PEF1: variants seen among roughly 807,000 people sequenced by gnomAD.
The protein encoded by PEF1 is peflin.
Under a neutral mutation model 32.0 loss-of-function variants are expected in PEF1, and 17 were observed. The observed-to-expected ratio is 0.53, with a 90% confidence interval of 0.36 to 0.80. The LOEUF is 0.80. Among genes scored for constraint, PEF1 ranks in the 30% least tolerant of loss-of-function variants. The probability of loss-of-function intolerance (pLI) is 0.00; values close to 1 mark genes in which losing one functional copy is unlikely to be tolerated. For synonymous variants in PEF1, 130 were observed against 139.8 expected, an observed-to-expected ratio of 0.93 and a Z score of 0.50; for missense variants, 362 against 369.1, an observed-to-expected ratio of 0.98 and a Z score of 0.16.
intron 2 of PEF1, 47 bp from the exon 3 acceptor site, chr1:31,633,361 C>T: frequency 1.3e-6 from 2 of 1,555,556 alleles, no homozygotes; most frequent in Non-Finnish European, 1.7e-6. Flanking sequence ...CCAGGAAGGG[C>T]CAGCCTCAGT....
intron 3 of PEF1, among the ~76,000 whole-genome samples, chr1:31,632,859 T>C (rs535982663): frequency 1.8e-3 from 277 of 152,286 alleles, no homozygotes; most frequent in Non-Finnish European, 2.8e-3. Context: ...CAGAACTGCA[T>C]TTTCTCTGCA....
intron 2 of PEF1, 51 bp from the exon 3 acceptor site, chr1:31,633,365 C>G: frequency 6.5e-7 from 1 of 1,543,850 alleles, no homozygotes; most frequent in South Asian, 1.2e-5. Flanking sequence ...GAAGGGCCAG[C>G]CTCAGTAACT....
Position 31,635,457 on chromosome 1 carries a change from G to A in PEF1, c.90C>T (p.Pro30=). ...CACTACCATACTGCCCTCCACTATT[G>A]GGGGGTCCAGGGTAGTAGCTACCCG... ...APPGSYYPGP[P]NSGGQYGSGL... is the part of the protein sequence containing the mutation. The change falls in exon 2 of 5, where the codon CCC becomes CCT. Residue 30 remains proline, a synonymous_variant. Transcript: ENST00000373703. 1.3e-6 allele frequency: 2 copies of A among 1,592,480 alleles called. No homozygotes were observed. Among genetic ancestry groups the A allele is most frequent in the African/African-American group, 1.3e-5 (1 of 74,450 alleles).
Position 31,641,989 on chromosome 1 carries a change from T to A in PEF1, c.24+2852A>T, listed in dbSNP as rs150320755. Among the ~76,000 whole-genome samples, 230 of 152,316 alleles carry A rather than the reference T, an allele frequency of 1.5e-3. 2 individuals are homozygous for A. The highest frequency in any genetic ancestry group is 4.6e-3 in the African/African-American group (190 of 41,578). On this transcript the variant is annotated intron_variant, in intron 1 of 4. Coordinates refer to ENST00000373703, the MANE Select transcript of PEF1 (RefSeq NM_012392.4). ...GCTCACGCCTGTAATCCCAACACTGTGGGAGGCTGAGGCAGGTGGATCACC... is the reference window on the plus strand; with the variant it reads ...GCTCACGCCTGTAATCCCAACACTGAGGGAGGCTGAGGCAGGTGGATCACC...
chr1:31,637,778 T>TCC (rs1399851491), intron 1 of PEF1, among the ~76,000 whole-genome samples: 1 of 151,096 alleles, frequency 6.6e-6, no homozygotes, highest in Non-Finnish European at 1.5e-5. Context: ...TGGAACCCCC[T>TCC]CCCTTGCTAC....
intron 1 of PEF1, among the ~76,000 whole-genome samples, chr1:31,636,354 T>C (rs1640253845): frequency 1.3e-5 from 2 of 152,136 alleles, no homozygotes; most frequent in South Asian, 2.1e-4. Context: ...CGCACACCTA[T>C]AGTCCCAATG....
chr1:31,637,219 C>T (rs1280902376), intron 1 of PEF1, among the ~76,000 whole-genome samples: 3 of 152,090 alleles, frequency 2.0e-5, no homozygotes, highest in Non-Finnish European at 4.4e-5. Flanking sequence ...GCTGTCATAG[C>T]TACTAGCAAG....
At chr1:31,642,549 G>A (rs1313598917) in intron 1 of PEF1, among the ~76,000 whole-genome samples, 1 of 152,180 alleles carries the variant, frequency 6.6e-6, no homozygotes, top group Non-Finnish European at 1.5e-5. Context: ...GTGGAGGGGA[G>A]GCAGCACTGA....
chr1:31,643,155 A>T (rs1640446816), intron 1 of PEF1, among the ~76,000 whole-genome samples: 1 of 152,262 alleles, frequency 6.6e-6, no homozygotes, highest in Admixed American at 6.5e-5. Context: ...GAAATACTAG[A>T]GTCAAAAAAG....
At chr1:31,633,386 A>G in intron 2 of PEF1, 72 bp from the exon 3 acceptor site, 2 of 1,465,886 alleles carry the variant, frequency 1.4e-6, no homozygotes, top group South Asian at 2.7e-5. Flanking sequence ...TCCTGGCTAC[A>G]GGTTTCTCCT....
intron 2 of PEF1, among the ~76,000 whole-genome samples, chr1:31,634,433 ATTG>A (rs1640201804): frequency 6.6e-6 from 1 of 152,220 alleles, no homozygotes; most frequent in African/African-American, 2.4e-5. Context: ...TTTCCCCAGA[ATTG>A]TTGTGATGAT....
In PEF1 at chr1:31,630,604, A is replaced by G; in HGVS notation, c.*9T>C. The G allele has an allele frequency of 1.2e-6, 2 of 1,611,672 alleles. No homozygotes were observed. Among genetic ancestry groups the G allele is most frequent in the Non-Finnish European group, 1.7e-6 (2 of 1,179,584 alleles). ...CCCTGGTGCACTCCACTCTCCACAGATGGTTGGGTCATAGCATCCGAGAAG... is the reference window on the plus strand; with the variant it reads ...CCCTGGTGCACTCCACTCTCCACAGGTGGTTGGGTCATAGCATCCGAGAAG... On this transcript the variant is annotated 3_prime_UTR_variant, in exon 5 of 5. Coordinates refer to ENST00000373703, the MANE Select transcript of PEF1 (RefSeq NM_012392.4).
intron 2 of PEF1, 108 bp from the exon 3 acceptor site, chr1:31,633,422 T>G: frequency 2.6e-6 from 3 of 1,167,246 alleles, no homozygotes; most frequent in Non-Finnish European, 3.6e-6. Flanking sequence ...CAAATTCACC[T>G]TCCCTGTCTT....
rs1019932391 is a variant in PEF1 at position 31,630,739 on chromosome 1, G to A, written c.729C>T (p.Phe243=). The A allele has an allele frequency of 1.2e-6, 2 of 1,614,182 alleles. No homozygotes were observed. Among genetic ancestry groups the A allele is most frequent in the African/African-American group, 2.7e-5 (2 of 75,066 alleles). The part of the protein sequence containing the change: ...SANPAMQLDR[F]IQVCTQLQVL... Reference sequence around the variant, plus strand: ...CCTGCAGCTGGGTGCACACCTGGATGAAGCGGTCAAGCTGCATGGCAGGAT... The same window carrying A: ...CCTGCAGCTGGGTGCACACCTGGATAAAGCGGTCAAGCTGCATGGCAGGAT... The change falls in exon 5 of 5, where the codon TTC becomes TTT. Residue 243 remains phenylalanine (F), a synonymous_variant. Coordinates refer to ENST00000373703, the MANE Select transcript of PEF1 (RefSeq NM_012392.4).
chr1:31,643,357 A>G (rs1258862054), intron 1 of PEF1, among the ~76,000 whole-genome samples: 1 of 152,222 alleles, frequency 6.6e-6, no homozygotes, highest in Non-Finnish European at 1.5e-5. Flanking sequence ...TTAGTTAACT[A>G]CAGAATCCTC....
At chr1:31,642,723 G>A (rs1324065358) in intron 1 of PEF1, among the ~76,000 whole-genome samples, 1 of 152,162 alleles carries the variant, frequency 6.6e-6, no homozygotes, top group Non-Finnish European at 1.5e-5. Context: ...CAGGCAGCAT[G>A]GCATCATGAG....
chr1:31,631,747 G>A (rs756031559), intron 4 of PEF1, among the ~76,000 whole-genome samples: 25 of 152,190 alleles, frequency 1.6e-4, no homozygotes, highest in Non-Finnish European at 3.4e-4. Context: ...ACAAAAGCTG[G>A]CAAGAGTAGG....
At chr1:31,631,446 C>T (rs974739019) in intron 4 of PEF1, among the ~76,000 whole-genome samples, 1 of 152,178 alleles carries the variant, frequency 6.6e-6, no homozygotes, top group African/African-American at 2.4e-5. Flanking sequence ...CTTGGAGCAT[C>T]CTGTCTCTTC....
intron 1 of PEF1, chr1:31,644,590 G>A: frequency 7.0e-7 from 1 of 1,432,318 alleles, no homozygotes; most frequent in Non-Finnish European, 9.1e-7. Flanking sequence ...GACCTGTGGG[G>A]TCCAAGGTCC....
Sources: gnomAD v4.1 joint callset for allele counts (sites outside exome capture counted in the v4.1 genomes callset) on GRCh38, gnomAD v4.1.1 for gene constraint, MANE v1.5 for transcripts, NCBI Gene and HGNC (gene_info 2026-07-23, HGNC 2026-07-21) for gene names.